PTPRD: variants seen among roughly 807,000 people sequenced by gnomAD.
The protein encoded by PTPRD is receptor-type tyrosine-protein phosphatase delta.
A neutral mutation model predicts 214.5 loss-of-function variants in PTPRD; 34 were observed. That is an observed-to-expected ratio of 0.16 (90% CI 0.12 to 0.21). The LOEUF is 0.21. Among genes scored for constraint, PTPRD ranks in the 10% least tolerant of loss-of-function variants. PTPRD has a pLI of 1.00. For missense variants in PTPRD, 2,545 were observed against 2,398.7 expected (o/e 1.06, Z -1.27); for synonymous variants, 1,128 against 845.7 (o/e 1.33, Z -5.79).
intron 2 of PTPRD, among the ~76,000 whole-genome samples, chr9:10,445,487 C>T (rs1468237675): frequency 1.3e-5 from 2 of 151,878 alleles, no homozygotes; most frequent in African/African-American, 4.8e-5. Context: ...TGAAAAATGG[C>T]AACAGAAATG....
intron 6 of PTPRD, among the ~76,000 whole-genome samples, chr9:9,743,152 C>A (rs868528491): frequency 5.9e-5 from 9 of 151,738 alleles, no homozygotes; most frequent in African/African-American, 2.2e-4. Context: ...GGCTCTCAGA[C>A]AGTGTTTATA....
chr9:10,515,122 T>C (rs1186103399), intron 2 of PTPRD, among the ~76,000 whole-genome samples: 1 of 152,028 alleles, frequency 6.6e-6, no homozygotes, highest in East Asian at 1.9e-4. Flanking sequence ...CTGTATCTAA[T>C]TTATAGGCCT....
At chr9:9,772,051 C>T (rs2098756148) in intron 5 of PTPRD, among the ~76,000 whole-genome samples, 1 of 152,022 alleles carries the variant, frequency 6.6e-6, no homozygotes. Context: ...GTCCTAACCC[C>T]CAGTACCTCA....
intron 5 of PTPRD, among the ~76,000 whole-genome samples, chr9:9,897,411 A>G (rs1431810738): frequency 6.6e-6 from 1 of 152,116 alleles, no homozygotes; most frequent in African/African-American, 2.4e-5. Flanking sequence ...TTGTAAGTAA[A>G]AAATACATAT....
chr9:10,335,225 G>T (rs1042784446), intron 3 of PTPRD, among the ~76,000 whole-genome samples: 1 of 151,622 alleles, frequency 6.6e-6, no homozygotes. Context: ...TGTGGTACTG[G>T]CAAAATAACA....
chr9:9,596,415 A>G (rs2093356983), intron 7 of PTPRD, among the ~76,000 whole-genome samples: 1 of 151,978 alleles, frequency 6.6e-6, no homozygotes. Context: ...TATAGGGACG[A>G]TATTATACTG....
At chr9:10,541,666 T>C (rs960185758) in intron 2 of PTPRD, among the ~76,000 whole-genome samples, 1 of 151,980 alleles carries the variant, frequency 6.6e-6, no homozygotes, top group African/African-American at 2.4e-5. Context: ...CAACTACAAT[T>C]TTAAATAAAC....
rs1177149773 is a variant in PTPRD, at chr9:8,644,397, G to C, written c.65-7553C>G. Among the ~76,000 whole-genome samples the C allele has an allele frequency of 2.0e-5, 3 of 152,282 alleles. No homozygotes were observed. The East Asian group carries it at 5.8e-4, about 29-fold the overall frequency. Reference sequence around the variant, plus strand: ...TCTTCGTCTTGCTCATCCTCCACTTGTCTGCATACCTCATTCTTCCTGGTC... The same window carrying C: ...TCTTCGTCTTGCTCATCCTCCACTTCTCTGCATACCTCATTCTTCCTGGTC... On this transcript the variant is annotated intron_variant, in intron 12 of 45. Coordinates refer to ENST00000381196, the MANE Select transcript of PTPRD (RefSeq NM_002839.4).
At position 10,190,014 on chromosome 9, in the gene PTPRD, C is replaced by T. The variant is rs931093696; in HGVS notation, c.-545+150949G>A. The stretch of plus-strand genomic sequence containing the variant: ...GAGGACACCAGAATCCAAAGACCAA[C>T]GACATTCTGTTAAAGAGTTGAGCTC... On this transcript the variant is annotated intron_variant, in intron 3 of 45. Coordinates refer to ENST00000381196, the MANE Select transcript of PTPRD (RefSeq NM_002839.4). Among the ~76,000 whole-genome samples, 9 of 152,064 alleles carry T rather than the reference C, an allele frequency of 5.9e-5. No homozygotes were observed. In the East Asian group the frequency reaches 1.2e-3, roughly 20 times the overall value.
At chr9:8,951,160 A>AGTGTGTGT (rs746693477) in intron 11 of PTPRD, among the ~76,000 whole-genome samples, 2 of 19,966 alleles carry the variant, frequency 1.0e-4, no homozygotes, top group East Asian at 2.7e-3. Context: ...TGTGTGTGTA[A>AGTGTGTGT]GAGAGAGAGA....
chr9:9,584,002 T>C (rs2091408249), intron 7 of PTPRD, among the ~76,000 whole-genome samples: 2 of 152,072 alleles, frequency 1.3e-5, no homozygotes, highest in Non-Finnish European at 2.9e-5. Context: ...AGAAGCTAAG[T>C]ATACAGTGGT....
At chr9:9,419,737 A>G (rs957302150) in intron 8 of PTPRD, among the ~76,000 whole-genome samples, 3 of 151,810 alleles carry the variant, frequency 2.0e-5, no homozygotes, top group African/African-American at 7.2e-5. Context: ...ATTTGCCTTC[A>G]TTATTGTGTT....
At chr9:9,322,840 T>A (rs1447052407) in intron 9 of PTPRD, among the ~76,000 whole-genome samples, 1 of 152,114 alleles carries the variant, frequency 6.6e-6, no homozygotes, top group Non-Finnish European at 1.5e-5. Flanking sequence ...TAAGAGTGAG[T>A]CATTTAGAAA....
At chr9:9,540,395 G>T (rs984789087) in intron 8 of PTPRD, among the ~76,000 whole-genome samples, 2 of 151,766 alleles carry the variant, frequency 1.3e-5, no homozygotes, top group African/African-American at 2.4e-5. Context: ...AGGTGAGATG[G>T]TTACAGACAG....
chr9:9,950,217 C>T (rs1489362721), intron 4 of PTPRD, among the ~76,000 whole-genome samples: 3 of 152,084 alleles, frequency 2.0e-5, no homozygotes, highest in African/African-American at 7.2e-5. Context: ...TGCAACACAC[C>T]TCTCGTCTTC....
chr9:9,215,275 T>C (rs1213546365), intron 9 of PTPRD, among the ~76,000 whole-genome samples: 2 of 152,164 alleles, frequency 1.3e-5, no homozygotes, highest in Non-Finnish European at 2.9e-5. Flanking sequence ...ACCCAGGTTA[T>C]GCAATGGAGC....
In PTPRD at chr9:10,226,111, T is replaced by C. The variant is rs1046744031; in HGVS notation, c.-545+114852A>G. 2.6e-5 allele frequency among the ~76,000 whole-genome samples: 4 copies of C among 152,006 alleles called. No individual in the cohort carries two copies. The East Asian group carries it at 5.8e-4, about 22-fold the overall frequency. On this transcript the variant is annotated intron_variant, in intron 3 of 45. Transcript: ENST00000381196. The stretch of plus-strand genomic sequence containing the variant: ...GCTGGAATGCACAAGTCAATATCCA[T>C]TGTCCAGTGGTCAGCCGCCCCAATG...
At chr9:10,079,350 A>C (rs1257415042) in intron 3 of PTPRD, among the ~76,000 whole-genome samples, 2 of 152,136 alleles carry the variant, frequency 1.3e-5, no homozygotes, top group Non-Finnish European at 2.9e-5. Flanking sequence ...TCATTAAAAG[A>C]AATGGTAATA....
At chr9:8,863,839 T>A (rs540768422) in intron 11 of PTPRD, among the ~76,000 whole-genome samples, 1 of 152,330 alleles carries the variant, frequency 6.6e-6, no homozygotes, top group South Asian at 2.1e-4. Flanking sequence ...ATACATTTTT[T>A]AAATTATATC....
Sources: allele counts gnomAD v4.1 joint callset (sites outside exome capture counted in the v4.1 genomes callset), GRCh38; gene constraint gnomAD v4.1.1; transcripts MANE v1.5; gene names NCBI Gene and HGNC (gene_info 2026-07-23, HGNC 2026-07-21).